Variants in SLC2A13 observed in about 807,000 individuals in gnomAD.
SLC2A13 encodes solute carrier family 2 member 13, also known as proton myo-inositol cotransporter.
A neutral mutation model predicts 64.4 loss-of-function variants in SLC2A13; 32 were observed. The ratio of observed to expected loss-of-function variants is 0.50; its 90% CI spans 0.37 to 0.67. The LOEUF (loss-of-function observed/expected upper bound fraction) is 0.67, where lower values mean the gene tolerates loss of function less well. Ranked by LOEUF, SLC2A13 falls within the 30% of genes least tolerant of loss-of-function variation. The probability of loss-of-function intolerance (pLI) is 0.00; values close to 1 mark genes in which losing one functional copy is unlikely to be tolerated. For synonymous variants in SLC2A13, 338 were observed against 327.1 expected, an observed-to-expected ratio of 1.03 and a Z score of -0.36; for missense variants, 743 against 829.2, an observed-to-expected ratio of 0.90 and a Z score of 1.28.
At chr12:40,101,477 T>A (rs1308182119) in intron 1 of SLC2A13, among the ~76,000 whole-genome samples, 3 of 152,170 alleles carry the variant, frequency 2.0e-5, no homozygotes, top group African/African-American at 4.8e-5. Context: ...GTAGTAGCCA[T>A]CTCAGCAAAT....
intron 1 of SLC2A13, among the ~76,000 whole-genome samples, chr12:40,078,782 G>A (rs1488404059): frequency 1.3e-5 from 2 of 151,996 alleles, no homozygotes; most frequent in Non-Finnish European, 2.9e-5. Flanking sequence ...CTGGTTGGTA[G>A]GTTTTTTATT....
intron 7 of SLC2A13, among the ~76,000 whole-genome samples, chr12:39,824,983 CTG>C (rs1459544843): frequency 6.6e-6 from 1 of 152,102 alleles, no homozygotes; most frequent in African/African-American, 2.4e-5. Flanking sequence ...TGACTAGAAT[CTG>C]TGTGGGAGAG....
At chr12:39,858,760 C>T (rs1943675503) in intron 6 of SLC2A13, among the ~76,000 whole-genome samples, 1 of 152,094 alleles carries the variant, frequency 6.6e-6, no homozygotes, top group African/African-American at 2.4e-5. Context: ...GAGCCTGCCA[C>T]CACACTTGGC....
intron 7 of SLC2A13, among the ~76,000 whole-genome samples, chr12:39,792,802 T>G (rs1941448508): frequency 5.6e-5 from 1 of 17,726 alleles, no homozygotes; most frequent in African/African-American, 1.3e-4. Flanking sequence ...CTGTATTTAA[T>G]GAAAAAAAAA....
rs148225990 is a variant in SLC2A13, at chr12:40,040,197, T to G, written c.716+7854A>C. Among the ~76,000 whole-genome samples the G allele has an allele frequency of 3.2e-4, 48 of 152,368 alleles. No individual in the cohort carries two copies. In the East Asian group the frequency reaches 7.9e-3, roughly 25 times the overall value. ...AATAGCACTGAAGAGTTTGTAAGTA[T>G]GTTCACTGCTACTAGCTCATTTGAT... On this transcript the variant is annotated intron_variant, in intron 2 of 9. Coordinates refer to ENST00000280871, the MANE Select transcript of SLC2A13 (RefSeq NM_052885.4).
chr12:39,874,849 A>C (rs1944143289), intron 4 of SLC2A13, among the ~76,000 whole-genome samples: 1 of 152,190 alleles, frequency 6.6e-6, no homozygotes, highest in African/African-American at 2.4e-5. Context: ...GACTGAACTA[A>C]AGGTATATTG....
intron 3 of SLC2A13, among the ~76,000 whole-genome samples, chr12:39,973,172 T>C (rs1946695960): frequency 6.6e-6 from 1 of 152,188 alleles, no homozygotes; most frequent in South Asian, 2.1e-4. Flanking sequence ...ACAAATTCAC[T>C]GAAATTGTTC....
At chr12:40,011,008 G>A (rs1254269563) in intron 3 of SLC2A13, among the ~76,000 whole-genome samples, 2 of 152,128 alleles carry the variant, frequency 1.3e-5, no homozygotes, top group African/African-American at 4.8e-5. Context: ...CAAATGTTAA[G>A]TTACACTTCC....
At chr12:40,084,316 G>A (rs1938520661) in intron 1 of SLC2A13, among the ~76,000 whole-genome samples, 1 of 152,204 alleles carries the variant, frequency 6.6e-6, no homozygotes, top group African/African-American at 2.4e-5. Flanking sequence ...TTTTGAAACT[G>A]TGTCATTTGG....
intron 6 of SLC2A13, among the ~76,000 whole-genome samples, chr12:39,852,400 A>G (rs1023357411): frequency 3.3e-5 from 5 of 152,238 alleles, no homozygotes; most frequent in Admixed American, 3.3e-4. Flanking sequence ...TAAAGTGCTT[A>G]CAAAATTCCT....
intron 7 of SLC2A13, among the ~76,000 whole-genome samples, chr12:39,794,068 C>A: frequency 7.4e-6 from 1 of 135,618 alleles, no homozygotes; most frequent in South Asian, 2.4e-4. Context: ...CTAAATTACT[C>A]TTTTGAGCTA....
chr12:40,070,905 G>A (rs17518273), intron 1 of SLC2A13, among the ~76,000 whole-genome samples: 398 of 152,168 alleles, frequency 2.6e-3, no homozygotes, highest in African/African-American at 9.2e-3. Context: ...GGCCACCTTC[G>A]GAATATAAGC....
intron 3 of SLC2A13, among the ~76,000 whole-genome samples, chr12:39,986,155 T>G (rs1947027320): frequency 6.6e-6 from 1 of 151,976 alleles, no homozygotes; most frequent in African/African-American, 2.4e-5. Context: ...AGGCCCCATA[T>G]CCTAATATAA....
At chr12:39,904,333 A>G (rs1285532342) in intron 4 of SLC2A13, among the ~76,000 whole-genome samples, 1 of 152,184 alleles carries the variant, frequency 6.6e-6, no homozygotes, top group African/African-American at 2.4e-5. Flanking sequence ...GTTTAGACAC[A>G]GTGAACCACT....
At chr12:39,995,950 C>T (rs1291773183) in intron 3 of SLC2A13, among the ~76,000 whole-genome samples, 1 of 152,204 alleles carries the variant, frequency 6.6e-6, no homozygotes, top group Non-Finnish European at 1.5e-5. Context: ...GTCCACTAAA[C>T]CTCTTTCTTT....
chr12:39,770,434 A>C (rs576618403), intron 7 of SLC2A13, among the ~76,000 whole-genome samples: 1 of 152,306 alleles, frequency 6.6e-6, no homozygotes, highest in Admixed American at 6.5e-5. Context: ...AGCCATATTC[A>C]TTCAAAAGCT....
At chr12:39,980,577 A>C (rs1354924074) in intron 3 of SLC2A13, among the ~76,000 whole-genome samples, 1 of 151,666 alleles carries the variant, frequency 6.6e-6, no homozygotes, top group African/African-American at 2.4e-5. Context: ...GAGACAAAGA[A>C]GGCCATTACA....
chr12:40,003,273 T>C lies in SLC2A13; in HGVS notation c.925+25028A>G, dbSNP rs989591879. Among the ~76,000 whole-genome samples the C allele has an allele frequency of 7.9e-5, 12 of 152,362 alleles. No homozygotes were observed. The East Asian group carries it at 2.3e-3, about 29-fold the overall frequency. On this transcript the variant is annotated intron_variant, in intron 3 of 9. Transcript: ENST00000280871. ...GCCTCAACTTCCACTTCAAAAAGAATAGTATATGAATTACCCTATTTAACA... is the reference window on the plus strand; with the variant it reads ...GCCTCAACTTCCACTTCAAAAAGAACAGTATATGAATTACCCTATTTAACA...
At chr12:39,913,231 G>A (rs1419631606) in intron 4 of SLC2A13, among the ~76,000 whole-genome samples, 2 of 152,006 alleles carry the variant, frequency 1.3e-5, no homozygotes, top group Non-Finnish European at 2.9e-5. Context: ...TATTGCAGGG[G>A]AAGACAGATT....
Sources: gnomAD v4.1 joint callset for allele counts (sites outside exome capture counted in the v4.1 genomes callset) on GRCh38, gnomAD v4.1.1 for gene constraint, MANE v1.5 for transcripts, NCBI Gene and HGNC (gene_info 2026-07-23, HGNC 2026-07-21) for gene names.